The following EXOG variants were observed in gnomAD, a reference collection of about 807,000 sequenced individuals.
EXOG encodes nuclease EXOG, mitochondrial.
EXOG carries 27 observed loss-of-function variants against 25.8 expected under a neutral mutation model. The ratio of observed to expected loss-of-function variants is 1.05; its 90% CI spans 0.77 to 1.45. EXOG has a LOEUF of 1.45. Ranked by LOEUF, EXOG falls within the 40% of genes most tolerant of loss-of-function variation. The pLI, the probability that EXOG is intolerant of heterozygous loss-of-function variation, is 0.00. For synonymous variants in EXOG, 133 were observed against 167.0 expected (o/e 0.80, Z 1.57); for missense variants, 458 against 450.5 (o/e 1.02, Z -0.15).
intron 2 of EXOG, chr3:38,501,092 G>A (rs2060030701): frequency 3.2e-6 from 1 of 314,948 alleles, no homozygotes; most frequent in Non-Finnish European, 5.8e-6. Context: ...ACTATTCAGA[G>A]GAGTTTTTCT....
chr3:38,517,176 A>G (rs2060571468), intron 5 of EXOG, among the ~76,000 whole-genome samples: 1 of 152,264 alleles, frequency 6.6e-6, no homozygotes, highest in Non-Finnish European at 1.5e-5. Context: ...TAGTTGCTAA[A>G]TGATGACTTT....
Position 38,525,613 on chromosome 3 carries a change from C to T in EXOG, c.*1251C>T. On this transcript the variant is annotated 3_prime_UTR_variant, in exon 6 of 6. Coordinates refer to ENST00000287675, the MANE Select transcript of EXOG (RefSeq NM_005107.4). ...GCCAAATTGATGTGTTCTTGCTTTC[C>T]AGGTGAGCTTTTTGTTCTTAAGATT... The T allele has an allele frequency of 1.0e-6, 1 of 985,320 alleles. No individual in the cohort carries two copies. The highest frequency in any genetic ancestry group is 1.2e-6 in the Non-Finnish European group (1 of 829,914). 61.0% of individuals were successfully genotyped at this position (985,320 alleles called of 1,614,324 possible).
Position 38,497,455 on chromosome 3 carries a change from C to G in EXOG, c.164-174C>G. 4 of 1,362,080 alleles carry G rather than the reference C, an allele frequency of 2.9e-6. No individual in the cohort carries two copies. The South Asian group carries it at 7.9e-5, about 27-fold the overall frequency. 84.4% of individuals were successfully genotyped at this position (1,362,080 alleles called of 1,614,324 possible). A position where few individuals can be genotyped will look rare whatever the true frequency, so the allele number is the denominator to read the frequency against. On this transcript the variant is annotated intron_variant, in intron 1 of 5. Coordinates refer to ENST00000287675, the MANE Select transcript of EXOG (RefSeq NM_005107.4). The stretch of plus-strand genomic sequence containing the variant: ...TTTGCCTACTGTCTGTTTTCTTCAT[C>G]TCATAAGTAATTGCAAAAATGAGAT...
chr3:38,508,716 C>CA (rs1047405871), intron 5 of EXOG, among the ~76,000 whole-genome samples: 64 of 149,284 alleles, frequency 4.3e-4, no homozygotes, highest in Non-Finnish European at 8.3e-4. Flanking sequence ...GAACCACCCC[C>CA]CCCCCAAAAA....
At position 38,523,850 on chromosome 3, in the gene EXOG, G is replaced by A. The variant is rs753305992; in HGVS notation, c.646-51G>A. 3.7e-5 allele frequency: 49 copies of A among 1,337,766 alleles called. No individual in the cohort carries two copies. In the East Asian group the frequency reaches 1.1e-3, roughly 31 times the overall value. 82.9% of individuals were successfully genotyped at this position (1,337,766 alleles called of 1,614,324 possible). The stretch of plus-strand genomic sequence containing the variant: ...AATAAGTATTTTTCAGAAAAAATTT[G>A]CGAACTGTTAGCACAAATTGGCATC... On this transcript the variant is annotated intron_variant, in intron 5 of 5. Coordinates refer to ENST00000287675, the MANE Select transcript of EXOG (RefSeq NM_005107.4).
At chr3:38,512,461 T>C (rs1006074144) in intron 5 of EXOG, among the ~76,000 whole-genome samples, 1 of 152,220 alleles carries the variant, frequency 6.6e-6, no homozygotes, top group Non-Finnish European at 1.5e-5. Flanking sequence ...TATTTTTAAC[T>C]TGTGACCTGT....
Position 38,526,229 on chromosome 3 carries a change from AC to A in EXOG, c.*1868del. On this transcript the variant is annotated 3_prime_UTR_variant, in exon 6 of 6. Transcript: ENST00000287675. Reference sequence around the variant, plus strand: ...ACTGCTGTCTTTTCCGAGTGGTATTACAAGAAAGATTTTTGTGGTGTGTTTG... The same window carrying A: ...ACTGCTGTCTTTTCCGAGTGGTATTAAAGAAAGATTTTTGTGGTGTGTTTG... 1.0e-6 allele frequency: 1 copy of A among 985,242 alleles called. No homozygotes were observed. Among genetic ancestry groups the A allele is most frequent in the Non-Finnish European group, 1.2e-6 (1 of 829,748 alleles). 61.0% of individuals were successfully genotyped at this position (985,242 alleles called of 1,614,324 possible).
rs199555043 is a variant in EXOG, at chr3:38,497,179, C to T, written c.164-450C>T. ...TTGGCATCTAGCAAGAGAACTACCCCCTTGGGGGGTTGAGGATTTGAGAAG... is the reference window on the plus strand; with the variant it reads ...TTGGCATCTAGCAAGAGAACTACCCTCTTGGGGGGTTGAGGATTTGAGAAG... On this transcript the variant is annotated intron_variant, in intron 1 of 5. Transcript: ENST00000287675. 1.1e-5 allele frequency: 11 copies of T among 1,008,938 alleles called. No individual in the cohort carries two copies. In the East Asian group the frequency reaches 9.8e-4, roughly 90 times the overall value. The allele number at this position is 1,008,938 out of a possible 1,614,324, so 62.5% of individuals were successfully genotyped here.
chr3:38,504,732 C>T (rs181840261), intron 4 of EXOG, among the ~76,000 whole-genome samples: 30 of 152,290 alleles, frequency 2.0e-4, no homozygotes, highest in Admixed American at 5.9e-4. Context: ...CCACGCACGG[C>T]CACTATTAAC....
At chr3:38,500,948 A>G (rs527558440) in intron 2 of EXOG, among the ~76,000 whole-genome samples, 1 of 152,358 alleles carries the variant, frequency 6.6e-6, no homozygotes, top group Admixed American at 6.5e-5. Context: ...TTATTTCAGT[A>G]CACATAAACT....
intron 5 of EXOG, among the ~76,000 whole-genome samples, chr3:38,512,532 C>G (rs992536521): frequency 4.6e-5 from 7 of 152,128 alleles, no homozygotes; most frequent in African/African-American, 1.7e-4. Flanking sequence ...ATTTCTTGCA[C>G]TGCACTATAC....
intron 5 of EXOG, among the ~76,000 whole-genome samples, chr3:38,518,351 A>G (rs1172435823): frequency 6.6e-6 from 1 of 152,202 alleles, no homozygotes; most frequent in Admixed American, 6.5e-5. Context: ...AGGGCCTTTG[A>G]AAAGTAGGCA....
intron 4 of EXOG, among the ~76,000 whole-genome samples, chr3:38,505,788 T>C (rs2060184985): frequency 6.6e-6 from 1 of 151,816 alleles, no homozygotes. Context: ...AACTGTCTAT[T>C]TTAGTAGACA....
intron 4 of EXOG, among the ~76,000 whole-genome samples, chr3:38,504,229 T>G (rs1405529032): frequency 6.6e-6 from 1 of 151,912 alleles, no homozygotes; most frequent in Middle Eastern, 3.4e-3. Context: ...TAACCAAGTG[T>G]GGTGGTCCAT....
intron 4 of EXOG, among the ~76,000 whole-genome samples, chr3:38,506,376 C>G (rs992930112): frequency 6.6e-6 from 1 of 152,034 alleles, no homozygotes; most frequent in East Asian, 1.9e-4. Flanking sequence ...CATATGATGA[C>G]GAGTCTTTAA....
chr3:38,523,992 T>G lies in EXOG; in HGVS notation c.737T>G (p.Leu246Arg). 6.2e-7 allele frequency: 1 copy of G among 1,614,012 alleles called. No individual in the cohort carries two copies. Among genetic ancestry groups the G allele is most frequent in the Non-Finnish European group, 8.5e-7 (1 of 1,179,888 alleles). Residue 246 changes from leucine to arginine, a missense_variant, in exon 6 of 6, where the codon CTA becomes CGA. By Grantham distance (102) the Leu-to-Arg change is moderately radical (BLOSUM62 -2). This residue lies in a region of EXOG where 178 missense variants were observed against 203.7 expected (regional missense o/e 0.87). Coordinates refer to ENST00000287675, the MANE Select transcript of EXOG (RefSeq NM_005107.4). The stretch of plus-strand genomic sequence containing the variant: ...TCAGTATCTACCGAACCACTGGCGC[T>G]AGGGGCCTTTGTGGTACCCAATGAA... ...RSSVSTEPLALGAFVVPNEAI... is the reference protein window; with the variant it reads ...RSSVSTEPLARGAFVVPNEAI...
In EXOG at chr3:38,524,085, G is replaced by T. The variant is rs1141223; in HGVS notation, c.830G>T (p.Gly277Val). 16,312 of 1,614,140 alleles carry T rather than the reference G, an allele frequency of 0.01. 119 individuals are homozygous for T. Among genetic ancestry groups the T allele is most frequent in the Non-Finnish European group, 0.012 (14,586 of 1,179,990 alleles). The change falls in exon 6 of 6, where the codon GGA (glycine) becomes GTA (valine). Residue 277 changes from glycine (G) to valine (V), a missense_variant. Gly to Val is a moderately radical substitution (Grantham distance 109, BLOSUM62 -3). Transcript: ENST00000287675. The part of the protein sequence containing the change: ...VSLQDLEKLS[G>V]LVFFPHLDRT... ...CTCCAGGACCTAGAGAAGTTGTCAGGACTGGTGTTTTTTCCTCATTTGGAT... is the reference window on the plus strand; with the variant it reads ...CTCCAGGACCTAGAGAAGTTGTCAGTACTGGTGTTTTTTCCTCATTTGGAT...
rs138712791 is a variant in EXOG at position 38,503,686 on chromosome 3, G to C, written c.525G>C (p.Trp175Cys). ...ATTTTGATAATAATTCTGGATATTG[G>C]AACAGGTGAGGGATGAGAGTTTTAA... is the stretch of plus-strand genomic sequence containing the variant. Reference protein sequence around the residue: ...PQDFDNNSGYWNRIEMYCREL... With the variant: ...PQDFDNNSGYCNRIEMYCREL... The change falls in exon 4 of 6, where the codon TGG becomes TGC. Residue 175 changes from tryptophan to cysteine, a missense_variant. This residue lies in a region of EXOG where 275 missense variants were observed against 230.5 expected (regional missense o/e 1.19). Coordinates refer to ENST00000287675, the MANE Select transcript of EXOG (RefSeq NM_005107.4). 2.5e-4 allele frequency: 389 copies of C among 1,564,370 alleles called. 1 individual carries two copies. The African/African-American group carries it at 4.9e-3, about 20-fold the overall frequency.
intron 4 of EXOG, 145 bp from the exon 5 acceptor site, chr3:38,506,709 A>G: frequency 2.4e-6 from 1 of 410,116 alleles, no homozygotes; most frequent in Non-Finnish European, 4.4e-6. Context: ...AATTGTTTAT[A>G]TGCTTATAAT....
Sources: gnomAD v4.1 joint callset for allele counts (sites outside exome capture counted in the v4.1 genomes callset) on GRCh38, gnomAD v4.1.1 for gene constraint, gnomAD v4.1.1 regional missense constraint, MANE v1.5 for transcripts, NCBI Gene and HGNC (gene_info 2026-07-23, HGNC 2026-07-21) for gene names.